DDX60: variants seen among roughly 807,000 people sequenced by gnomAD.
DDX60 encodes the protein DExD/H-box helicase 60.
DDX60 carries 165 observed loss-of-function variants against 212.8 expected under a neutral mutation model. That is an observed-to-expected ratio of 0.78 (90% CI 0.68 to 0.88). The LOEUF (loss-of-function observed/expected upper bound fraction) is 0.88, where lower values mean the gene tolerates loss of function less well. DDX60 is among the 40% of genes least tolerant of loss of function. The pLI, the probability that DDX60 is intolerant of heterozygous loss-of-function variation, is 0.00. For synonymous variants in DDX60, 703 were observed against 685.3 expected (o/e 1.03, Z -0.40); for missense variants, 1,905 against 2,003.9 (o/e 0.95, Z 0.94).
intron 29 of DDX60, among the ~76,000 whole-genome samples, chr4:168,247,137 T>A (rs1734051332): frequency 6.6e-6 from 1 of 152,186 alleles, no homozygotes; most frequent in Non-Finnish European, 1.5e-5. Context: ...ATGAATAAAC[T>A]CTTTACAGAG....
intron 1 of DDX60, 146 bp downstream of exon 1, chr4:168,318,476 C>A (rs780731115): frequency 2.0e-5 from 3 of 152,522 alleles, no homozygotes; most frequent in South Asian, 2.1e-4. Context: ...CACGGCCTTG[C>A]GATCCCAGGA....
At chr4:168,311,475 A>T in intron 1 of DDX60, 110 bp from the exon 2 acceptor site, 2 of 508,310 alleles carry the variant, frequency 3.9e-6, no homozygotes, top group South Asian at 7.3e-5. Context: ...GAACAAATCA[A>T]CATTGCTGAC....
At chr4:168,290,579 T>A (rs1049113276) in intron 8 of DDX60, among the ~76,000 whole-genome samples, 22 of 152,106 alleles carry the variant, frequency 1.4e-4, no homozygotes, top group South Asian at 6.2e-4. Flanking sequence ...GACCTCATGA[T>A]CCTCCTGACC....
chr4:168,307,773 T>G lies in DDX60; in HGVS notation c.264+233A>C, dbSNP rs377314198. 1.8e-4 allele frequency among the ~76,000 whole-genome samples: 28 copies of G among 152,306 alleles called. 1 individual carries two copies. In the East Asian group the frequency reaches 4.2e-3, roughly 23 times the overall value. On this transcript the variant is annotated intron_variant, in intron 4 of 37. Transcript: ENST00000393743. ...TGAGGAGCTTTCTCATCCTCTCTCA[T>G]GATCCTGTGTGTCCTTACAATAAAG...
chr4:168,280,604 A>C lies in DDX60; in HGVS notation c.1723-14T>G. 6.3e-7 allele frequency: 1 copy of C among 1,595,296 alleles called. No homozygotes were observed. Among genetic ancestry groups the C allele is most frequent in the Non-Finnish European group, 8.5e-7 (1 of 1,173,772 alleles). ...AGCCTTGGTCTCCTGCCCCAAAGGA[A>C]AAAACATCTCTTAAGACAAGTTGAA... On this transcript the variant is annotated splice_polypyrimidine_tract_variant and intron_variant, in intron 13 of 37. Transcript: ENST00000393743.
At chr4:168,266,136 C>T (rs1356352404) in intron 22 of DDX60, among the ~76,000 whole-genome samples, 3 of 152,186 alleles carry the variant, frequency 2.0e-5, no homozygotes, top group Non-Finnish European at 4.4e-5. Context: ...ATCCTGGCCC[C>T]ACCATTTACT....
rs372346791 is a variant in DDX60, at chr4:168,283,578, T to A, written c.1590A>T (p.Arg530Ser). 6.2e-7 allele frequency: 1 copy of A among 1,610,208 alleles called. No homozygotes were observed. The highest frequency in any genetic ancestry group is 1.3e-5 in the African/African-American group (1 of 74,744). The change falls in exon 13 of 38, where the codon AGA (arginine) becomes AGT (serine). Residue 530 changes from arginine to serine, a missense_variant. Coordinates refer to ENST00000393743, the MANE Select transcript of DDX60 (RefSeq NM_017631.6). The stretch of plus-strand genomic sequence containing the variant: ...GGAAAACATGATACTTTTGCACAGA[T>A]CTAAGAACACGAGGGTCTCTAGATT... ...DEKSRDPRVL[R>S]SVQKYHVFQR...
intron 6 of DDX60, among the ~76,000 whole-genome samples, chr4:168,294,663 G>T (rs1451295202): frequency 3.3e-5 from 5 of 151,948 alleles, no homozygotes; most frequent in Admixed American, 6.6e-5. Context: ...ACTACTGCCA[G>T]GCTAATTTTT....
intron 16 of DDX60, among the ~76,000 whole-genome samples, chr4:168,274,552 C>T (rs1055942023): frequency 1.3e-5 from 2 of 152,132 alleles, no homozygotes; most frequent in African/African-American, 4.8e-5. Context: ...GATAATAAGT[C>T]TATGTAATAG....
intron 33 of DDX60, among the ~76,000 whole-genome samples, chr4:168,234,220 G>A (rs563915184): frequency 1.7e-4 from 26 of 151,958 alleles, no homozygotes; most frequent in South Asian, 1.0e-3. Context: ...AGTTGACTAC[G>A]GTTTTAAAAC....
chr4:168,218,414 G>A (rs868822385), intron 37 of DDX60, among the ~76,000 whole-genome samples: 1 of 152,116 alleles, frequency 6.6e-6, no homozygotes, highest in African/African-American at 2.4e-5. Context: ...CCAATTTCTT[G>A]AATTTTACCT....
intron 1 of DDX60, among the ~76,000 whole-genome samples, chr4:168,311,634 TA>T (rs1737138935): frequency 6.6e-6 from 1 of 152,106 alleles, no homozygotes; most frequent in Non-Finnish European, 1.5e-5. Flanking sequence ...AATAATTAAT[TA>T]GGCAAAAAGA....
intron 30 of DDX60, among the ~76,000 whole-genome samples, chr4:168,243,681 G>T (rs1380360537): frequency 6.6e-6 from 1 of 152,220 alleles, no homozygotes; most frequent in Non-Finnish European, 1.5e-5. Flanking sequence ...CAACCGCATT[G>T]TGGAAGAGAG....
At chr4:168,269,462 G>A (rs754624172) in intron 19 of DDX60, among the ~76,000 whole-genome samples, 11 of 152,076 alleles carry the variant, frequency 7.2e-5, no homozygotes, top group East Asian at 1.9e-4. Context: ...TTAGCCGGGC[G>A]TGGTGGTGGG....
At chr4:168,248,823 G>A (rs557506664) in intron 28 of DDX60, among the ~76,000 whole-genome samples, 5 of 151,026 alleles carry the variant, frequency 3.3e-5, no homozygotes, top group East Asian at 1.9e-4. Context: ...GCAATGGCAC[G>A]ATCTCGGCTC....
At chr4:168,311,449 C>G (rs1737130886) in intron 1 of DDX60, 84 bp from the exon 2 acceptor site, 1 of 551,676 alleles carries the variant, frequency 1.8e-6, no homozygotes, top group African/African-American at 1.9e-5. Context: ...ATATTAGACA[C>G]AAGGAATACA....
At chr4:168,272,422 T>C (rs1254124553) in intron 18 of DDX60, among the ~76,000 whole-genome samples, 65 of 152,248 alleles carry the variant, frequency 4.3e-4, no homozygotes, top group Non-Finnish European at 5.9e-5. Flanking sequence ...TTATTCATTG[T>C]CACAAGTTTC....
chr4:168,258,445 T>A (rs1310952550), intron 25 of DDX60, among the ~76,000 whole-genome samples: 1 of 152,140 alleles, frequency 6.6e-6, no homozygotes, highest in Non-Finnish European at 1.5e-5. Flanking sequence ...TGTATTTTTT[T>A]TTTAAGAGAT....
chr4:168,237,049 T>G (rs1418244807), intron 32 of DDX60, among the ~76,000 whole-genome samples: 1 of 151,716 alleles, frequency 6.6e-6, no homozygotes, highest in Admixed American at 6.6e-5. Flanking sequence ...AGGCAAGGAA[T>G]CACTGAAGTT....
Sources: allele counts gnomAD v4.1 joint callset (sites outside exome capture counted in the v4.1 genomes callset), GRCh38; gene constraint gnomAD v4.1.1; transcripts MANE v1.5; gene names NCBI Gene and HGNC (gene_info 2026-07-23, HGNC 2026-07-21).